Variants in ASTN2 observed in about 807,000 individuals in gnomAD.
ASTN2 encodes the protein astrotactin-2.
In ASTN2, 54 loss-of-function variants were observed where a neutral mutation model predicts 139.8. The ratio of observed to expected loss-of-function variants is 0.39; its 90% CI spans 0.31 to 0.48. The LOEUF (loss-of-function observed/expected upper bound fraction) is 0.48. ASTN2 is among the 20% of genes least tolerant of loss of function. The pLI is 0.95. For missense variants in ASTN2, 1,565 were observed against 1,725.1 expected (o/e 0.91, Z 1.64); for synonymous variants, 756 against 719.5 (o/e 1.05, Z -0.81).
chr9:117,013,324 T>C (rs909688201), intron 6 of ASTN2, among the ~76,000 whole-genome samples: 18 of 152,066 alleles, frequency 1.2e-4, no homozygotes, highest in Admixed American at 7.2e-4. Flanking sequence ...ATTTTTTGGC[T>C]TTCAATTAAA....
chr9:117,367,494 C>T (rs1829875099), intron 1 of ASTN2, among the ~76,000 whole-genome samples: 1 of 152,078 alleles, frequency 6.6e-6, no homozygotes, highest in Non-Finnish European at 1.5e-5. Context: ...CTCTGGGGGT[C>T]ATGGTAAAGA....
At chr9:116,875,079 G>T (rs1288184656) in intron 10 of ASTN2, among the ~76,000 whole-genome samples, 1 of 152,132 alleles carries the variant, frequency 6.6e-6, no homozygotes, top group Non-Finnish European at 1.5e-5. Flanking sequence ...GCAAGGAAAT[G>T]TCACACATCT....
intron 3 of ASTN2, among the ~76,000 whole-genome samples, chr9:117,200,155 T>C (rs1242548636): frequency 1.3e-5 from 2 of 151,958 alleles, no homozygotes; most frequent in Non-Finnish European, 2.9e-5. Context: ...TATGTATACA[T>C]GTGCCATGTT....
At chr9:117,306,161 C>A (rs940487879) in intron 1 of ASTN2, among the ~76,000 whole-genome samples, 1 of 152,210 alleles carries the variant, frequency 6.6e-6, no homozygotes, top group Non-Finnish European at 1.5e-5. Context: ...CTGGCTCCCA[C>A]CCCACTTGGT....
chr9:117,079,678 T>C (rs1298392211), intron 5 of ASTN2, among the ~76,000 whole-genome samples: 1 of 85,328 alleles, frequency 1.2e-5, no homozygotes, highest in East Asian at 2.6e-4. Flanking sequence ...TGAGATATAT[T>C]CATTCCTCCA....
At position 116,839,819 on chromosome 9, in the gene ASTN2, C is replaced by T. The variant is rs10983373; in HGVS notation, c.2041-19036G>A. 3.1e-3 allele frequency among the ~76,000 whole-genome samples: 463 copies of T among 149,806 alleles called. 9 individuals carry two copies. The East Asian group carries it at 0.034, about 11-fold the overall frequency. ...CTGAGTAGCCGGGACCACAGGTGCC[C>T]GCCACCACACCCAGCTGATTTTTTT... is the stretch of plus-strand genomic sequence containing the variant. On this transcript the variant is annotated intron_variant, in intron 11 of 22. Transcript: ENST00000313400.
chr9:117,080,027 C>T (rs190176165), intron 5 of ASTN2, among the ~76,000 whole-genome samples: 31 of 102,854 alleles, frequency 3.0e-4, no homozygotes, highest in African/African-American at 1.0e-3. Context: ...AGGTTCACAC[C>T]GCGAGGACAC....
intron 10 of ASTN2, among the ~76,000 whole-genome samples, chr9:116,935,106 TG>T (rs1835031692): frequency 6.6e-6 from 1 of 152,226 alleles, no homozygotes; most frequent in African/African-American, 2.4e-5. Flanking sequence ...TGCCAATTAA[TG>T]GTAATTCCCT....
chr9:116,832,157 A>G (rs963481055), intron 11 of ASTN2, among the ~76,000 whole-genome samples: 1 of 152,166 alleles, frequency 6.6e-6, no homozygotes, highest in Non-Finnish European at 1.5e-5. Flanking sequence ...TTGCTAGTAT[A>G]TAGGAATACA....
intron 1 of ASTN2, among the ~76,000 whole-genome samples, chr9:117,319,673 T>G (rs897020794): frequency 5.3e-5 from 8 of 151,840 alleles, no homozygotes; most frequent in African/African-American, 1.9e-4. Flanking sequence ...TGGCCTCAAG[T>G]GATCCACCTG....
At chr9:116,755,006 T>G (rs1369722432) in intron 13 of ASTN2, among the ~76,000 whole-genome samples, 7 of 152,144 alleles carry the variant, frequency 4.6e-5, no homozygotes, top group Non-Finnish European at 1.0e-4. Context: ...TGAACCAGTT[T>G]TGTCACTCAA....
chr9:116,496,833 T>C (rs1161112868), intron 19 of ASTN2, among the ~76,000 whole-genome samples: 1 of 152,260 alleles, frequency 6.6e-6, no homozygotes, highest in African/African-American at 2.4e-5. Context: ...AGGGGAACTG[T>C]CCTTTATAAA....
chr9:116,777,885 C>T (rs1000150642), intron 13 of ASTN2, among the ~76,000 whole-genome samples: 7 of 109,696 alleles, frequency 6.4e-5, no homozygotes, highest in African/African-American at 2.4e-4. Context: ...AGTCTGTTGT[C>T]AGGCTGGAGT....
chr9:117,037,828 G>A (rs1242513610), intron 6 of ASTN2, among the ~76,000 whole-genome samples: 1 of 152,018 alleles, frequency 6.6e-6, no homozygotes, highest in Admixed American at 6.6e-5. Flanking sequence ...GCCACTTCCA[G>A]GTTCTGACAA....
chr9:117,136,037 A>G (rs898910211), intron 4 of ASTN2, among the ~76,000 whole-genome samples: 2 of 152,168 alleles, frequency 1.3e-5, no homozygotes, highest in African/African-American at 2.4e-5. Context: ...CCTTCATCCT[A>G]TTGGTTCTTG....
rs10527124 is a variant in ASTN2, at chr9:116,623,147, CTGTGTGTGTGTGTGTGTGTGTGTGTG to C, written c.3073-2730_3073-2705del. Among the ~76,000 whole-genome samples the C allele has an allele frequency of 1.5e-4, 20 of 137,214 alleles. 1 individual carries two copies. The highest frequency in any genetic ancestry group is 7.8e-4 in the South Asian group (3 of 3,840). The allele number at this position is 137,214 out of a possible 152,430, so 90.0% of individuals were successfully genotyped here. On this transcript the variant is annotated intron_variant, in intron 17 of 22. Coordinates refer to ENST00000313400, the MANE Select transcript of ASTN2 (RefSeq NM_001365068.1). ...GCAATGGGAAGAGAGAGAGCATACT[CTGTGTGTGTGTGTGTGTGTGTGTGTG>C]TGTGTGTGTGTGTGTGTGTGTGTGT...
At chr9:117,031,530 A>G (rs1374111065) in intron 6 of ASTN2, among the ~76,000 whole-genome samples, 1 of 152,168 alleles carries the variant, frequency 6.6e-6, no homozygotes, top group Non-Finnish European at 1.5e-5. Flanking sequence ...TGTAATCTCT[A>G]TCCTTATGGA....
chr9:116,590,617 G>A (rs573893764), intron 19 of ASTN2, among the ~76,000 whole-genome samples: 1 of 152,286 alleles, frequency 6.6e-6, no homozygotes, highest in East Asian at 1.9e-4. Context: ...GGCCTGGGAT[G>A]GCCTGAACCC....
chr9:117,163,392 A>G (rs1002635134), intron 3 of ASTN2, among the ~76,000 whole-genome samples: 1 of 152,122 alleles, frequency 6.6e-6, no homozygotes, highest in South Asian at 2.1e-4. Flanking sequence ...GGCAGAGGAA[A>G]AACTAATGCC....
Sources: allele counts gnomAD v4.1 joint callset (sites outside exome capture counted in the v4.1 genomes callset), GRCh38; gene constraint gnomAD v4.1.1; transcripts MANE v1.5; gene names NCBI Gene and HGNC (gene_info 2026-07-23, HGNC 2026-07-21).